The following XRCC6 variants were observed in gnomAD, a reference collection of about 807,000 sequenced individuals.
XRCC6 encodes X-ray repair cross complementing 6, also known as DNA repair protein Ku70.
A neutral mutation model predicts 65.7 loss-of-function variants in XRCC6; 5 were observed. The observed-to-expected ratio is 0.08, with a 90% CI of 0.04 to 0.16. The LOEUF is 0.16. XRCC6 is among the 10% of genes least tolerant of loss of function. XRCC6 has a pLI of 1.00. For missense variants in XRCC6, 447 were observed against 738.1 expected (o/e 0.61, Z 4.57); for synonymous variants, 270 against 270.6 (o/e 1.00, Z 0.02).
At chr22:41,654,999 C>T (rs2068031781) in intron 9 of XRCC6, among the ~76,000 whole-genome samples, 2 of 152,212 alleles carry the variant, frequency 1.3e-5, no homozygotes, top group African/African-American at 4.8e-5. Flanking sequence ...CAGGAATCAT[C>T]TGTTTGTTCA....
chr22:41,656,215 C>CAAA (rs132783), intron 9 of XRCC6, among the ~76,000 whole-genome samples: 2,077 of 127,106 alleles, frequency 0.016, 63 homozygotes, highest in Admixed American at 0.066. Context: ...GATCCTGTCT[C>CAAA]AAAAAAAAAA....
chr22:41,644,689 G>C (rs1335338315), intron 6 of XRCC6, among the ~76,000 whole-genome samples: 1 of 151,720 alleles, frequency 6.6e-6, no homozygotes, highest in Non-Finnish European at 1.5e-5. Context: ...GGGTTTCACC[G>C]TGTTGCCCAG....
At position 41,659,497 on chromosome 22, in the gene XRCC6, C is replaced by T. The variant is rs550894002; in HGVS notation, c.1522+1145C>T. Among the ~76,000 whole-genome samples, 22 of 151,852 alleles carry T rather than the reference C, an allele frequency of 1.4e-4. No individual in the cohort carries two copies. The South Asian group carries it at 2.5e-3, about 17-fold the overall frequency. On this transcript the variant is annotated intron_variant, in intron 11 of 12. Coordinates refer to ENST00000360079, the MANE Select transcript of XRCC6 (RefSeq NM_001469.5). ...CTGGGATTACAAGCAGGAGGCGCTG[C>T]GCACGGCCTATTTTGTGTTTTTATT...
At chr22:41,623,315 G>A (rs1298436031) in intron 2 of XRCC6, among the ~76,000 whole-genome samples, 1 of 152,086 alleles carries the variant, frequency 6.6e-6, no homozygotes, top group Non-Finnish European at 1.5e-5. Flanking sequence ...GGCCTCAAGC[G>A]ATACCCCCAA....
At chr22:41,622,857 A>T (rs1169638132) in intron 2 of XRCC6, among the ~76,000 whole-genome samples, 3 of 151,952 alleles carry the variant, frequency 2.0e-5, no homozygotes, top group African/African-American at 4.8e-5. Context: ...AGGCAGGAGA[A>T]TGGTGCGAAC....
At chr22:41,637,815 T>G (rs1441743981) in intron 6 of XRCC6, 24 bp downstream of exon 6, 37 of 1,607,186 alleles carry the variant, frequency 2.3e-5, no homozygotes, top group Non-Finnish European at 2.7e-5. Flanking sequence ...CCGGGTCAGC[T>G]GCCTACACTG....
At chr22:41,629,962 A>C (rs548774057) in intron 3 of XRCC6, among the ~76,000 whole-genome samples, 1 of 136,934 alleles carries the variant, frequency 7.3e-6, no homozygotes, top group Non-Finnish European at 1.5e-5. Context: ...CACTGCGCCC[A>C]GCCTTGTGTG....
Position 41,647,072 on chromosome 22 carries a change from A to C in XRCC6, c.950A>C (p.Lys317Thr). The C allele has an allele frequency of 6.2e-7, 1 of 1,614,008 alleles. No individual in the cohort carries two copies. The highest frequency in any genetic ancestry group is 8.5e-7 in the Non-Finnish European group (1 of 1,179,982). Residue 317 changes from lysine to threonine, a missense_variant, in exon 7 of 13, where the codon AAG (lysine) becomes ACG (threonine). By Grantham distance (78) the Lys-to-Thr change is moderately conservative. Coordinates refer to ENST00000360079, the MANE Select transcript of XRCC6 (RefSeq NM_001469.5). ...GGTTTGCTTCTGCCTAGCGATACCA[A>C]GAGGTCTCAGGTAGGTAGAGATGCC... ...TGGLLLPSDT[K>T]RSQIYGSRQI...
At chr22:41,649,227 C>T (rs953241633) in intron 7 of XRCC6, among the ~76,000 whole-genome samples, 9 of 147,892 alleles carry the variant, frequency 6.1e-5, no homozygotes, top group East Asian at 2.0e-4. Flanking sequence ...TTTGCAGTAG[C>T]GCCATCATGG....
chr22:41,638,600 A>G (rs1005688621), intron 6 of XRCC6, among the ~76,000 whole-genome samples: 2 of 152,162 alleles, frequency 1.3e-5, no homozygotes, highest in East Asian at 1.9e-4. Context: ...CCTGGCCTAC[A>G]TGGTGAAACC....
At chr22:41,627,184 GGTAT>G (rs2067686991) in intron 2 of XRCC6, among the ~76,000 whole-genome samples, 1 of 152,136 alleles carries the variant, frequency 6.6e-6, no homozygotes, top group African/African-American at 2.4e-5. Flanking sequence ...AAAAAGAGAG[GGTAT>G]CTGTAGATGA....
intron 12 of XRCC6, among the ~76,000 whole-genome samples, chr22:41,661,975 C>G (rs998135219): frequency 6.6e-6 from 1 of 152,142 alleles, no homozygotes; most frequent in Non-Finnish European, 1.5e-5. Context: ...CTCAGAAAGA[C>G]AGACATTTAC....
At chr22:41,625,881 C>T (rs935238275) in intron 2 of XRCC6, among the ~76,000 whole-genome samples, 1 of 152,132 alleles carries the variant, frequency 6.6e-6, no homozygotes, top group Non-Finnish European at 1.5e-5. Flanking sequence ...ATCTCTGTCG[C>T]CAGGCTGGAG....
rs149971352 is a variant in XRCC6 at position 41,634,138 on chromosome 22, G to T, written c.196-1975G>T. Among the ~76,000 whole-genome samples the T allele has an allele frequency of 9.4e-4, 143 of 152,228 alleles. 3 individuals carry two copies. The East Asian group carries it at 0.025, about 27-fold the overall frequency. ...TAGAGCTCAGGCAGGACATGGAGGG[G>T]ATCACCATGGTTGGTTTATTCCTCA... is the stretch of plus-strand genomic sequence containing the variant. On this transcript the variant is annotated intron_variant, in intron 3 of 12. Transcript: ENST00000360079.
chr22:41,628,976 A>C lies in XRCC6; in HGVS notation c.195+746A>C, dbSNP rs1229332856. On this transcript the variant is annotated intron_variant, in intron 3 of 12. Coordinates refer to ENST00000360079, the MANE Select transcript of XRCC6 (RefSeq NM_001469.5). ...GTGAGACTCTGTCTCAAAAAAAAAAAAAAAAAAAAAAAACAATTCTCCAAA... is the reference window on the plus strand; with the variant it reads ...GTGAGACTCTGTCTCAAAAAAAAAACAAAAAAAAAAAAACAATTCTCCAAA... Among the ~76,000 whole-genome samples, 7 of 151,220 alleles carry C rather than the reference A, an allele frequency of 4.6e-5. 1 individual carries two copies. Among genetic ancestry groups the C allele is most frequent in the African/African-American group, 1.2e-4 (5 of 41,198 alleles).
At chr22:41,652,268 A>T (rs1305674180) in intron 8 of XRCC6, among the ~76,000 whole-genome samples, 1 of 152,118 alleles carries the variant, frequency 6.6e-6, no homozygotes, top group Non-Finnish European at 1.5e-5. Flanking sequence ...GCTATGGCTC[A>T]TGAACACCCC....
intron 2 of XRCC6, among the ~76,000 whole-genome samples, chr22:41,625,539 T>C (rs893916918): frequency 6.6e-6 from 1 of 152,182 alleles, no homozygotes; most frequent in African/African-American, 2.4e-5. Context: ...GACCAGACAT[T>C]ATATACCTTT....
chr22:41,641,782 T>TA (rs780948805), intron 6 of XRCC6, among the ~76,000 whole-genome samples: 1 of 152,284 alleles, frequency 6.6e-6, no homozygotes, highest in South Asian at 2.1e-4. Context: ...TTTATGTTGT[T>TA]ACCAATGACA....
At chr22:41,639,667 C>CTTTTTT (rs71184825) in intron 6 of XRCC6, among the ~76,000 whole-genome samples, 4 of 81,044 alleles carry the variant, frequency 4.9e-5, no homozygotes, top group Non-Finnish European at 9.1e-5. Flanking sequence ...GATTCTCTCT[C>CTTTTTT]TTTTTTTTTT....
Sources: gnomAD v4.1 joint callset for allele counts (sites outside exome capture counted in the v4.1 genomes callset) on GRCh38, gnomAD v4.1.1 for gene constraint, MANE v1.5 for transcripts, NCBI Gene and HGNC (gene_info 2026-07-23, HGNC 2026-07-21) for gene names.